VPS13B: variants seen among roughly 807,000 people sequenced by gnomAD.
VPS13B encodes vacuolar protein sorting 13 homolog B.
VPS13B carries 285 observed loss-of-function variants against 426.4 expected under a neutral mutation model. That is an observed-to-expected ratio of 0.67 (90% CI 0.61 to 0.74). VPS13B has a LOEUF of 0.74. Among genes scored for constraint, VPS13B ranks in the 30% least tolerant of loss-of-function variants. The pLI, the probability that VPS13B is intolerant of heterozygous loss-of-function variation, is 0.00. For synonymous variants in VPS13B, 1,676 were observed against 1,676.4 expected (o/e 1.00, Z 0.01); for missense variants, 4,537 against 4,782.6 (o/e 0.95, Z 1.51).
chr8:99,132,766 A>G (rs1809870757), intron 8 of VPS13B, among the ~76,000 whole-genome samples: 1 of 152,226 alleles, frequency 6.6e-6, no homozygotes, highest in Non-Finnish European at 1.5e-5. Flanking sequence ...TCAGAGGTGT[A>G]GGGTGACCAG....
chr8:99,431,670 A>G lies in VPS13B; in HGVS notation c.3210+6A>G. ...TGAAGCATCTCACACTACAGGTAAAATAAAAGTTAGAAATATTATGGATAT... is the reference window on the plus strand; with the variant it reads ...TGAAGCATCTCACACTACAGGTAAAGTAAAAGTTAGAAATATTATGGATAT... On this transcript the variant is annotated splice_donor_region_variant and intron_variant, in intron 22 of 61. Transcript: ENST00000357162. 3 of 1,612,134 alleles carry G rather than the reference A, an allele frequency of 1.9e-6. No homozygotes were observed. The highest frequency in any genetic ancestry group is 2.5e-6 in the Non-Finnish European group (3 of 1,179,106).
At chr8:99,804,513 C>G (rs971528219) in intron 43 of VPS13B, among the ~76,000 whole-genome samples, 5 of 152,200 alleles carry the variant, frequency 3.3e-5, no homozygotes, top group African/African-American at 1.2e-4. Flanking sequence ...ACTGCAGTCT[C>G]TGGCCCCAGG....
intron 34 of VPS13B, among the ~76,000 whole-genome samples, chr8:99,657,470 T>TTTGTGTGTGTGTGTG (rs1554890453): frequency 6.8e-5 from 10 of 147,010 alleles, no homozygotes; most frequent in Admixed American, 4.1e-4. Context: ...ACTTTAAAAA[T>TTTGTGTGTGTGTGTG]TGTGTGTGTG....
At chr8:99,760,836 A>C (rs1363080557) in intron 39 of VPS13B, among the ~76,000 whole-genome samples, 2 of 152,230 alleles carry the variant, frequency 1.3e-5, no homozygotes, top group Non-Finnish European at 2.9e-5. Context: ...CCTAAACAAT[A>C]CAGTGTAACA....
At chr8:99,729,448 A>T (rs1273519031) in intron 39 of VPS13B, among the ~76,000 whole-genome samples, 1 of 152,144 alleles carries the variant, frequency 6.6e-6, no homozygotes. Context: ...TCCTCTCAAA[A>T]TGTAGGTTAG....
chr8:99,590,196 T>C (rs1387880778), intron 33 of VPS13B, among the ~76,000 whole-genome samples: 1 of 152,042 alleles, frequency 6.6e-6, no homozygotes, highest in Non-Finnish European at 1.5e-5. Context: ...ACCTTTATCA[T>C]TTTTTTATTG....
chr8:99,670,727 A>C (rs1830679923), intron 35 of VPS13B, among the ~76,000 whole-genome samples: 1 of 152,068 alleles, frequency 6.6e-6, no homozygotes, highest in Admixed American at 6.6e-5. Context: ...AAGTGAAATC[A>C]TGCAGTTTTT....
In VPS13B at chr8:99,741,920, G is replaced by A. The variant is rs1314231558; in HGVS notation, c.7050+20873G>A. 4.6e-5 allele frequency among the ~76,000 whole-genome samples: 7 copies of A among 152,136 alleles called. No individual in the cohort carries two copies. In the East Asian group the frequency reaches 9.7e-4, roughly 21 times the overall value. ...TAACATCACAATTAAAAGAACTAGA[G>A]AAGCAAGAGCAAACACATTCAAAAG... On this transcript the variant is annotated intron_variant, in intron 39 of 61. Coordinates refer to ENST00000357162, the MANE Select transcript of VPS13B (RefSeq NM_152564.5).
chr8:99,617,560 CGG>C (rs1324523300), intron 33 of VPS13B, among the ~76,000 whole-genome samples: 1 of 152,138 alleles, frequency 6.6e-6, no homozygotes, highest in Non-Finnish European at 1.5e-5. Flanking sequence ...CTCCTGACCT[CGG>C]GTGATCCACT....
At chr8:99,148,671 T>G (rs1810886353) in intron 14 of VPS13B, among the ~76,000 whole-genome samples, 1 of 152,210 alleles carries the variant, frequency 6.6e-6, no homozygotes, top group Non-Finnish European at 1.5e-5. Flanking sequence ...TATTTTAGTT[T>G]TAGCCAGTAA....
At chr8:99,083,930 T>G (rs1243987502) in intron 3 of VPS13B, among the ~76,000 whole-genome samples, 1 of 151,124 alleles carries the variant, frequency 6.6e-6, no homozygotes, top group Non-Finnish European at 1.5e-5. Context: ...TTTTGTATTG[T>G]GTCTCTGCCA....
chr8:99,824,001 T>G (rs780982957), intron 51 of VPS13B, 23 bp downstream of exon 51: 23 of 1,608,390 alleles, frequency 1.4e-5, no homozygotes, highest in Non-Finnish European at 1.7e-5. Context: ...TAACGATTCT[T>G]TTGTCTAAGT....
At chr8:99,797,845 T>G (rs1429272899) in intron 43 of VPS13B, among the ~76,000 whole-genome samples, 3 of 152,180 alleles carry the variant, frequency 2.0e-5, no homozygotes, top group Non-Finnish European at 4.4e-5. Flanking sequence ...TCACTAAATA[T>G]TATATATTTA....
chr8:99,610,285 G>T (rs1185739703), intron 33 of VPS13B, among the ~76,000 whole-genome samples: 1 of 152,078 alleles, frequency 6.6e-6, no homozygotes, highest in Non-Finnish European at 1.5e-5. Flanking sequence ...AAAGACACAT[G>T]CACACATATG....
At chr8:99,306,458 A>G (rs1254212615) in intron 19 of VPS13B, among the ~76,000 whole-genome samples, 1 of 152,054 alleles carries the variant, frequency 6.6e-6, no homozygotes, top group African/African-American at 2.4e-5. Context: ...TTGATAGAAT[A>G]TATACGTAGT....
intron 43 of VPS13B, 116 bp downstream of exon 43, chr8:99,784,592 C>T (rs1043175201): frequency 6.6e-6 from 9 of 1,364,006 alleles, no homozygotes; most frequent in African/African-American, 2.9e-5. Context: ...AACCACACAG[C>T]GTAGCTACAT....
chr8:99,254,724 A>G (rs1389371906), intron 17 of VPS13B, among the ~76,000 whole-genome samples: 1 of 151,924 alleles, frequency 6.6e-6, no homozygotes, highest in African/African-American at 2.4e-5. Flanking sequence ...ACTCACTGCA[A>G]TGTCTGCCCA....
chr8:99,360,103 GT>G (rs71273178), intron 19 of VPS13B, among the ~76,000 whole-genome samples: 19 of 114,000 alleles, frequency 1.7e-4, no homozygotes, highest in South Asian at 5.8e-4. Context: ...TGCCCAACCT[GT>G]TTTTTTTTTT....
At chr8:99,550,155 T>C (rs1256148455) in intron 30 of VPS13B, among the ~76,000 whole-genome samples, 1 of 152,050 alleles carries the variant, frequency 6.6e-6, no homozygotes, top group Non-Finnish European at 1.5e-5. Flanking sequence ...GAGGAAGGGC[T>C]GTTTTGATAG....
Sources: allele counts gnomAD v4.1 joint callset (sites outside exome capture counted in the v4.1 genomes callset), GRCh38; gene constraint gnomAD v4.1.1; transcripts MANE v1.5; gene names NCBI Gene and HGNC (gene_info 2026-07-23, HGNC 2026-07-21).